The following PRMT8 variants were observed in gnomAD, a reference collection of about 807,000 sequenced individuals.
PRMT8 encodes protein arginine N-methyltransferase 8.
Under a neutral mutation model 47.1 loss-of-function variants are expected in PRMT8, and 7 were observed. That is an observed-to-expected ratio of 0.15 (90% CI 0.08 to 0.28). The LOEUF is 0.28. PRMT8 is among the 10% of genes least tolerant of loss of function. PRMT8 has a pLI of 1.00. For missense variants in PRMT8, 237 were observed against 505.4 expected (o/e 0.47, Z 5.09); for synonymous variants, 188 against 186.5 (o/e 1.01, Z -0.07).
intron 1 of PRMT8, among the ~76,000 whole-genome samples, chr12:3,407,450 C>T (rs1028886440): frequency 6.6e-6 from 1 of 152,094 alleles, no homozygotes; most frequent in Admixed American, 6.5e-5. Flanking sequence ...TGTCTTGCAA[C>T]ATTTCTCCTG....
chr12:3,438,730 A>G (rs1864770322), intron 1 of PRMT8, among the ~76,000 whole-genome samples: 1 of 152,260 alleles, frequency 6.6e-6, no homozygotes, highest in African/African-American at 2.4e-5. Flanking sequence ...ATAGTGACCC[A>G]GACTGACTTC....
intron 8 of PRMT8, among the ~76,000 whole-genome samples, chr12:3,591,752 G>A (rs987993031): frequency 6.6e-6 from 1 of 152,116 alleles, no homozygotes; most frequent in African/African-American, 2.4e-5. Flanking sequence ...AGTGGATCTG[G>A]GGAAACTGGT....
intron 1 of PRMT8, among the ~76,000 whole-genome samples, chr12:3,494,821 C>T (rs903306266): frequency 5.3e-5 from 8 of 152,150 alleles, no homozygotes; most frequent in Non-Finnish European, 5.9e-5. Context: ...ACTCTTCAAC[C>T]GCTCTGACCT....
chr12:3,543,083 A>T (rs1866261263), intron 2 of PRMT8, among the ~76,000 whole-genome samples: 2 of 152,248 alleles, frequency 1.3e-5, no homozygotes, highest in Non-Finnish European at 2.9e-5. Context: ...CTTAGAGTAT[A>T]AGACCTGTGA....
At chr12:3,586,715 A>G (rs1867183262) in intron 8 of PRMT8, among the ~76,000 whole-genome samples, 2 of 152,246 alleles carry the variant, frequency 1.3e-5, no homozygotes, top group Non-Finnish European at 2.9e-5. Context: ...CTCCAGCTTA[A>G]GGACCACTGC....
chr12:3,442,975 G>A (rs1204906863), intron 1 of PRMT8, among the ~76,000 whole-genome samples: 1 of 152,106 alleles, frequency 6.6e-6, no homozygotes, highest in Non-Finnish European at 1.5e-5. Flanking sequence ...ACTTTTCTAT[G>A]TCCATATCTA....
At chr12:3,388,910 C>T (rs952705208) in intron 1 of PRMT8, among the ~76,000 whole-genome samples, 1 of 152,242 alleles carries the variant, frequency 6.6e-6, no homozygotes, top group Non-Finnish European at 1.5e-5. Context: ...GTGTCAGTCA[C>T]TCTTCTCTGA....
At chr12:3,507,118 C>CTTTTT (rs72188443) in intron 1 of PRMT8, among the ~76,000 whole-genome samples, 68 of 122,532 alleles carry the variant, frequency 5.5e-4, no homozygotes, top group Non-Finnish European at 6.2e-4. Context: ...GGTGGCCTTT[C>CTTTTT]TTTTTTTTTT....
intron 2 of PRMT8, among the ~76,000 whole-genome samples, chr12:3,544,180 G>A (rs548359537): frequency 5.9e-5 from 9 of 152,342 alleles, no homozygotes; most frequent in Admixed American, 5.9e-4. Context: ...TTTTCCACAG[G>A]GTGGCATGTT....
chr12:3,510,972 C>G (rs1012457936), intron 1 of PRMT8, among the ~76,000 whole-genome samples: 3 of 152,182 alleles, frequency 2.0e-5, no homozygotes, highest in Non-Finnish European at 4.4e-5. Flanking sequence ...AACCCGTGAT[C>G]CTGACCCTGC....
chr12:3,455,368 T>A (rs961683048), intron 1 of PRMT8, among the ~76,000 whole-genome samples: 1 of 152,068 alleles, frequency 6.6e-6, no homozygotes, highest in Admixed American at 6.6e-5. Flanking sequence ...AGCCTGGGCT[T>A]GGGGTGTGGA....
At chr12:3,484,928 G>C (rs1231372133) in intron 1 of PRMT8, among the ~76,000 whole-genome samples, 1 of 152,124 alleles carries the variant, frequency 6.6e-6, no homozygotes, top group Non-Finnish European at 1.5e-5. Flanking sequence ...CTGAGGGAGT[G>C]GGCTTCTACT....
Position 3,568,855 on chromosome 12 carries a change from G to A in PRMT8, c.624+7G>A, listed in dbSNP as rs1267399593. The A allele has an allele frequency of 1.2e-6, 2 of 1,614,106 alleles. No homozygotes were observed. Among genetic ancestry groups the A allele is most frequent in the South Asian group, 2.2e-5 (2 of 91,074 alleles). On this transcript the variant is annotated splice_region_variant and intron_variant, in intron 5 of 9. Coordinates refer to ENST00000382622, the MANE Select transcript of PRMT8 (RefSeq NM_019854.5). ...TGCCAGGGACAAGTGGCTGGTAAGT[G>A]TCCTGCATGCTGTCCCCGCGTTGGC...
chr12:3,553,147 G>A, intron 3 of PRMT8: 1 of 204,398 alleles, frequency 4.9e-6, no homozygotes, highest in Non-Finnish European at 1.0e-5. Flanking sequence ...GGTGGGAGGG[G>A]AAGAGAAAGA....
chr12:3,533,678 C>T (rs966771599), intron 1 of PRMT8, among the ~76,000 whole-genome samples: 1 of 152,140 alleles, frequency 6.6e-6, no homozygotes, highest in Non-Finnish European at 1.5e-5. Flanking sequence ...CTGCCAGCCC[C>T]GATGATAAGA....
chr12:3,543,979 C>T lies in PRMT8; in HGVS notation c.261+3188C>T, dbSNP rs1399974187. 2.0e-5 allele frequency among the ~76,000 whole-genome samples: 3 copies of T among 152,212 alleles called. No homozygotes were observed. The East Asian group carries it at 5.8e-4, about 29-fold the overall frequency. On this transcript the variant is annotated intron_variant, in intron 2 of 9. Transcript: ENST00000382622. ...AATCTTTGCCAATGCGGCTGTCCCT[C>T]CAGCACCCTGAGCTCTGGGTGCCAA... is the stretch of plus-strand genomic sequence containing the variant.
chr12:3,520,290 GGATGCCTTTGCTCATGA>G (rs1865860804), intron 1 of PRMT8, among the ~76,000 whole-genome samples: 1 of 152,248 alleles, frequency 6.6e-6, no homozygotes, highest in African/African-American at 2.4e-5. Flanking sequence ...GTGAAGCCAG[GGATGCCTTTGCTCATGA>G]GAGTGCCCAT....
intron 1 of PRMT8, among the ~76,000 whole-genome samples, chr12:3,519,850 C>T (rs1164671682): frequency 6.6e-6 from 1 of 152,184 alleles, no homozygotes. Context: ...GGTTGCTCGG[C>T]TGCTCTTACA....
Position 3,419,063 on chromosome 12 carries a change from G to T in PRMT8, c.48+37621G>T, listed in dbSNP as rs1362979670. ...TACACAGACGTTTTGTGGATGGTTT[G>T]TTATTAGCAGTAAACATTTACATAG... On this transcript the variant is annotated intron_variant, in intron 1 of 9. Transcript: ENST00000452611. Among the ~76,000 whole-genome samples the T allele has an allele frequency of 2.6e-5, 4 of 152,332 alleles. 1 individual carries two copies. In the Middle Eastern group the frequency reaches 0.01, roughly 389 times the overall value.
Sources: gnomAD v4.1 joint callset for allele counts (sites outside exome capture counted in the v4.1 genomes callset) on GRCh38, gnomAD v4.1.1 for gene constraint, MANE v1.5 for transcripts, NCBI Gene and HGNC (gene_info 2026-07-23, HGNC 2026-07-21) for gene names.